Variants in SET observed in about 807,000 individuals in gnomAD.
SET encodes protein SET.
Under a neutral mutation model 39.0 loss-of-function variants are expected in SET, and 4 were observed. That is an observed-to-expected ratio of 0.10 (90% confidence interval 0.05 to 0.23). The LOEUF is 0.23. Among genes scored for constraint, SET ranks in the 10% least tolerant of loss-of-function variants. The pLI, the probability that SET is intolerant of heterozygous loss-of-function variation, is 1.00. For synonymous variants in SET, 114 were observed against 115.9 expected (o/e 0.98, Z 0.11); for missense variants, 137 against 329.7 (o/e 0.42, Z 4.53).
In SET at chr9:128,694,818, A is replaced by C. The variant is rs915308571; in HGVS notation, c.*154A>C. ...TCTTTTCTCTACTCCATGGTTCTCA[A>C]TTTATTTGGGGGGAAATACCTTGAG... On this transcript the variant is annotated 3_prime_UTR_variant, in exon 8 of 8. Transcript: ENST00000322030. 1 of 481,138 alleles carries C rather than the reference A, an allele frequency of 2.1e-6. No homozygotes were observed. The highest frequency in any genetic ancestry group is 2.2e-5 in the African/African-American group (1 of 44,902). 29.8% of individuals were successfully genotyped at this position (481,138 alleles called of 1,614,324 possible). A position where few individuals can be genotyped will look rare whatever the true frequency, so the allele number is the denominator to read the frequency against.
upstream of SET, among the ~76,000 whole-genome samples, chr9:128,686,323 A>G (rs1386326702): frequency 1.3e-5 from 2 of 152,178 alleles, no homozygotes; most frequent in East Asian, 3.9e-4. Context: ...GGGAGGTGGC[A>G]GGGAGGGTTG....
chr9:128,691,796 T>C (rs1861545475), intron 2 of SET, 62 bp from the exon 3 acceptor site: 6 of 1,507,076 alleles, frequency 4.0e-6, no homozygotes, highest in Non-Finnish European at 5.4e-6. Flanking sequence ...CTCTGTAATC[T>C]CAACCAATTT....
chr9:128,694,187 A>G (rs1861646480), intron 7 of SET, 145 bp downstream of exon 7: 3 of 837,550 alleles, frequency 3.6e-6, no homozygotes, highest in Non-Finnish European at 5.2e-6. Context: ...TTCAAGAATT[A>G]AGGAAATGTT....
upstream of SET, among the ~76,000 whole-genome samples, chr9:128,686,053 C>G (rs1304447275): frequency 6.6e-6 from 1 of 150,438 alleles, no homozygotes; most frequent in Non-Finnish European, 1.5e-5. Flanking sequence ...ACCAGAGGGG[C>G]CAGGAGGAGA....
At chr9:128,694,239 GTTTT>G (rs66941404) in intron 7 of SET, among the ~76,000 whole-genome samples, 197 bp downstream of exon 7, 20 of 147,060 alleles carry the variant, frequency 1.4e-4, no homozygotes, top group Middle Eastern at 3.6e-3. Flanking sequence ...GTTTTTTTTG[GTTTT>G]TTTTTGGGTT....
intron 2 of SET, among the ~76,000 whole-genome samples, chr9:128,691,499 C>T (rs1861533792): frequency 6.6e-6 from 1 of 151,616 alleles, no homozygotes; most frequent in Non-Finnish European, 1.5e-5. Flanking sequence ...AGCAGTGTGG[C>T]ATCAGTGGTT....
chr9:128,689,841 GCC>G (rs1491338733), intron 1 of SET, 186 bp downstream of exon 1: 1 of 67,806 alleles, frequency 1.5e-5, no homozygotes, highest in South Asian at 4.8e-4. Context: ...GGCCTGGGTG[GCC>G]CGCGCCGCGG....
At chr9:128,694,119 T>C in intron 7 of SET, 77 bp downstream of exon 7, 1 of 1,297,712 alleles carries the variant, frequency 7.7e-7, no homozygotes, top group East Asian at 2.5e-5. Flanking sequence ...TATATATATA[T>C]ATAGTGTGGT....
Position 128,689,258 on chromosome 9 carries a change from C to A in SET, c.-325C>A. ...GGAGGAGGTGGAGGAGGAGGCGGCT[C>A]GGGAGAGCGAGCAGCGAGCTGGCTG... On this transcript the variant is annotated 5_prime_UTR_variant, in exon 1 of 8. Coordinates refer to ENST00000322030, the MANE Select transcript of SET (RefSeq NM_003011.4). 1 of 1,004,082 alleles carries A rather than the reference C, an allele frequency of 1.0e-6. No homozygotes were observed. The highest frequency in any genetic ancestry group is 1.2e-6 in the Non-Finnish European group (1 of 841,686). The allele number at this position is 1,004,082 out of a possible 1,614,324, so 62.2% of individuals were successfully genotyped here.
At position 128,689,319 on chromosome 9, in the gene SET, G is replaced by GCCGCCGCCGCCT; in HGVS notation, c.-258_-247dup. 1 of 1,008,128 alleles carries GCCGCCGCCGCCT rather than the reference G, an allele frequency of 9.9e-7. No individual in the cohort carries two copies. The highest frequency in any genetic ancestry group is 1.2e-6 in the Non-Finnish European group (1 of 839,862). 62.4% of individuals were successfully genotyped at this position (1,008,128 alleles called of 1,614,324 possible). On this transcript the variant is annotated 5_prime_UTR_variant, in exon 1 of 8. Transcript: ENST00000322030. The stretch of plus-strand genomic sequence containing the variant: ...CGCGAGTGAGGGAGCCGAGCCGCCC[G>GCCGCCGCCGCCT]CCGCCGCCGCCTCCGCCTCCCCTCC...
rs891166193 is a variant in SET at position 128,696,385 on chromosome 9, ATTTT to A, written c.*1726_*1729del. ...CTTGCTCCAATAAAGGAACATAAAGATTTTTTTTGGACTGGGGTCATTCTCCTTG... is the reference window on the plus strand; with the variant it reads ...CTTGCTCCAATAAAGGAACATAAAGATTTTGGACTGGGGTCATTCTCCTTG... On this transcript the variant is annotated 3_prime_UTR_variant, in exon 8 of 8. Coordinates refer to ENST00000322030, the MANE Select transcript of SET (RefSeq NM_003011.4). 5.6e-6 allele frequency: 1 copy of A among 179,648 alleles called. No homozygotes were observed. The highest frequency in any genetic ancestry group is 1.2e-5 in the Non-Finnish European group (1 of 83,572). The allele number at this position is 179,648 out of a possible 1,614,324, so 11.1% of individuals were successfully genotyped here. A position where few individuals can be genotyped will look rare whatever the true frequency, so the allele number is the denominator to read the frequency against.
At chr9:128,684,149 T>C in intron 1 of SET, 2 of 670,720 alleles carry the variant, frequency 3.0e-6, no homozygotes, top group Non-Finnish European at 5.0e-6. Flanking sequence ...GGATTAAGTT[T>C]GCGTGAAGAA....
Position 128,695,847 on chromosome 9 carries a change from A to G in SET, c.*1183A>G, listed in dbSNP as rs1861717540. 1 of 228,338 alleles carries G rather than the reference A, an allele frequency of 4.4e-6. No individual in the cohort carries two copies. The highest frequency in any genetic ancestry group is 5.7e-5 in the Admixed American group (1 of 17,654). 14.1% of individuals were successfully genotyped at this position (228,338 alleles called of 1,614,324 possible). On this transcript the variant is annotated 3_prime_UTR_variant, in exon 8 of 8. Transcript: ENST00000322030. ...TTATCTCCAAGTGGCAGTTTTTAAA[A>G]TTGGCCTTTTACCTGGATATAAATT...
In SET at chr9:128,695,727, CGTG is replaced by C. The variant is rs1861712300; in HGVS notation, c.*1065_*1067del. On this transcript the variant is annotated 3_prime_UTR_variant, in exon 8 of 8. Coordinates refer to ENST00000322030, the MANE Select transcript of SET (RefSeq NM_003011.4). ...TATTAATATCTCCATAGCTGGGAAACGTGGGTTCAATTTGCCATTGGTTTCTGA... is the reference window on the plus strand; with the variant it reads ...TATTAATATCTCCATAGCTGGGAAACGGTTCAATTTGCCATTGGTTTCTGA... The C allele has an allele frequency of 1.3e-5, 3 of 226,950 alleles. No individual in the cohort carries two copies. The highest frequency in any genetic ancestry group is 6.7e-5 in the African/African-American group (3 of 45,110). 14.1% of individuals were successfully genotyped at this position (226,950 alleles called of 1,614,324 possible).
intron 1 of SET, chr9:128,684,018 G>A: frequency 5.2e-6 from 8 of 1,531,602 alleles, no homozygotes; most frequent in Non-Finnish European, 7.1e-6. Flanking sequence ...GTACGTTTCT[G>A]CGCTAAGTTT....
rs1483888112 is a variant in SET, at chr9:128,695,868, AAATT to A, written c.*1209_*1212del. 1 of 227,782 alleles carries A rather than the reference AAATT, an allele frequency of 4.4e-6. No individual in the cohort carries two copies. Among genetic ancestry groups the A allele is most frequent in the African/African-American group, 2.2e-5 (1 of 45,140 alleles). 14.1% of individuals were successfully genotyped at this position (227,782 alleles called of 1,614,324 possible). On this transcript the variant is annotated 3_prime_UTR_variant, in exon 8 of 8. Coordinates refer to ENST00000322030, the MANE Select transcript of SET (RefSeq NM_003011.4). ...TAAAATTGGCCTTTTACCTGGATAT[AAATT>A]AATTGTGCCTGCCACCACCATCCAA... is the stretch of plus-strand genomic sequence containing the variant.
exon 1 of SET, chr9:128,684,003 G>A (rs1431889900): frequency 1.3e-6 from 2 of 1,548,734 alleles, no homozygotes; most frequent in African/African-American, 1.4e-5. Flanking sequence ...TGCCGAAGAA[G>A]GGAGGTACGT....
chr9:128,692,036 A>G, intron 3 of SET, 36 bp downstream of exon 3: 2 of 1,603,268 alleles, frequency 1.2e-6, no homozygotes, highest in South Asian at 1.1e-5. Flanking sequence ...AAGGATAAAC[A>G]GTGTTTGTTA....
In SET at chr9:128,689,641, C is replaced by G; in HGVS notation, c.59C>G (p.Ala20Gly). The change falls in exon 1 of 8, where the codon GCC becomes GGC. Residue 20 changes from alanine (A) to glycine (G), a missense_variant. Physicochemically the swap from Ala to Gly is moderately conservative, Grantham distance 60 (BLOSUM62 0). Transcript: ENST00000322030. ...GAGCTCAACTCCAACCACGACGGGG[C>G]CGACGAGACCTCAGGTGAGAGCAGC... ...KKELNSNHDG[A>G]DETSEKEQQE... is the part of the protein sequence containing the mutation. The G allele has an allele frequency of 2.3e-6, 3 of 1,314,990 alleles. No homozygotes were observed. Among genetic ancestry groups the G allele is most frequent in the Non-Finnish European group, 3.0e-6 (3 of 1,003,620 alleles). 81.5% of individuals were successfully genotyped at this position (1,314,990 alleles called of 1,614,324 possible). A position where few individuals can be genotyped will look rare whatever the true frequency, so the allele number is the denominator to read the frequency against.
Sources: allele counts gnomAD v4.1 joint callset (sites outside exome capture counted in the v4.1 genomes callset), GRCh38; gene constraint gnomAD v4.1.1; transcripts MANE v1.5; gene names NCBI Gene and HGNC (gene_info 2026-07-23, HGNC 2026-07-21).